Variants in TEK observed in about 807,000 individuals in gnomAD.
TEK encodes the protein TEK receptor tyrosine kinase.
A neutral mutation model predicts 131.8 loss-of-function variants in TEK; 43 were observed. The observed-to-expected ratio is 0.33, with a 90% CI of 0.26 to 0.42. The LOEUF (loss-of-function observed/expected upper bound fraction) is 0.42, where lower values mean the gene tolerates loss of function less well. Among genes scored for constraint, TEK ranks in the 10% least tolerant of loss-of-function variants. The probability of loss-of-function intolerance (pLI) is 1.00; values close to 1 mark genes in which losing one functional copy is unlikely to be tolerated. For synonymous variants in TEK, 580 were observed against 491.6 expected, an observed-to-expected ratio of 1.18 and a Z score of -2.38; for missense variants, 1,162 against 1,384.4, an observed-to-expected ratio of 0.84 and a Z score of 2.55.
chr9:27,209,324 G>T, intron 16 of TEK, 93 bp downstream of exon 16: 1 of 956,556 alleles, frequency 1.0e-6, no homozygotes, highest in Non-Finnish European at 1.6e-6. Context: ...TCTTAAGAAT[G>T]TTGCCTATTT....
chr9:27,127,580 A>G (rs1452523765), intron 1 of TEK, among the ~76,000 whole-genome samples: 1 of 152,230 alleles, frequency 6.6e-6, no homozygotes, highest in Non-Finnish European at 1.5e-5. Context: ...TGGTTGAACT[A>G]ATTTAAACTC....
At chr9:27,159,742 G>A (rs1250566914) in intron 2 of TEK, among the ~76,000 whole-genome samples, 2 of 152,126 alleles carry the variant, frequency 1.3e-5, no homozygotes, top group South Asian at 2.1e-4. Context: ...TTTAATAATT[G>A]TATTATAAGG....
intron 1 of TEK, among the ~76,000 whole-genome samples, chr9:27,118,550 C>T (rs867743548): frequency 6.6e-6 from 1 of 152,182 alleles, no homozygotes; most frequent in Non-Finnish European, 1.5e-5. Context: ...AGATGGATCG[C>T]TTTAGCCTGG....
rs150262376 is a variant in TEK at position 27,110,509 on chromosome 9, C to T, written c.52+867C>T. 1.6e-3 allele frequency among the ~76,000 whole-genome samples: 248 copies of T among 152,310 alleles called. No individual in the cohort carries two copies. The Middle Eastern group carries it at 0.024, about 15-fold the overall frequency. ...TCACAAATACATTTATCATTGCCAT[C>T]AGTCTCTCCCCTTCGGTTTGAAAAC... is the stretch of plus-strand genomic sequence containing the variant. On this transcript the variant is annotated intron_variant, in intron 1 of 22. Transcript: ENST00000380036.
At chr9:27,209,696 TAAG>T (rs889012341) in intron 16 of TEK, among the ~76,000 whole-genome samples, 30 of 152,260 alleles carry the variant, frequency 2.0e-4, no homozygotes, top group African/African-American at 7.0e-4. Flanking sequence ...AAAATAATTA[TAAG>T]AAGCTTTCAT....
chr9:27,109,272 C>G lies in TEK; in HGVS notation c.-319C>G. 1.9e-6 allele frequency: 1 copy of G among 523,056 alleles called. No homozygotes were observed. The highest frequency in any genetic ancestry group is 3.3e-6 in the Non-Finnish European group (1 of 300,108). The allele number at this position is 523,056 out of a possible 1,614,324, so 32.4% of individuals were successfully genotyped here. A position where few individuals can be genotyped will look rare whatever the true frequency, so the allele number is the denominator to read the frequency against. On this transcript the variant is annotated 5_prime_UTR_variant, in exon 1 of 23. Transcript: ENST00000380036. ...AAAGCAGCAGCAGAAGCAACAGCAA[C>G]AGATAAGTGTTTTGATGAATTGCGA...
rs1564072394 is a variant in TEK, at chr9:27,168,438, G to A, written c.365-57G>A. 2.9e-6 allele frequency: 4 copies of A among 1,377,364 alleles called. No homozygotes were observed. The East Asian group carries it at 6.9e-5, about 24-fold the overall frequency. The allele number at this position is 1,377,364 out of a possible 1,614,324, so 85.3% of individuals were successfully genotyped here. ...ATTTTCTGAGTCTCAAAGCTCAATT[G>A]CTCCTGGAGAAAATGTGTGATCCCA... On this transcript the variant is annotated intron_variant, in intron 2 of 22. Coordinates refer to ENST00000380036, the MANE Select transcript of TEK (RefSeq NM_000459.5).
intron 21 of TEK, among the ~76,000 whole-genome samples, chr9:27,227,545 G>C (rs1221861863): frequency 6.6e-6 from 1 of 152,130 alleles, no homozygotes; most frequent in Non-Finnish European, 1.5e-5. Flanking sequence ...AGCAGATTTG[G>C]TGGCCATGAG....
At chr9:27,187,721 T>C (rs1225244707) in intron 9 of TEK, among the ~76,000 whole-genome samples, 1 of 151,948 alleles carries the variant, frequency 6.6e-6, no homozygotes, top group Non-Finnish European at 1.5e-5. Flanking sequence ...ATCAGCAGAG[T>C]TTATTTCTTC....
chr9:27,142,743 C>CT (rs1284190711), intron 1 of TEK, among the ~76,000 whole-genome samples: 6 of 152,240 alleles, frequency 3.9e-5, no homozygotes, highest in Admixed American at 2.6e-4. Flanking sequence ...GTTATGAATT[C>CT]TATCACTGTT....
chr9:27,204,266 A>T (rs2131210061), intron 13 of TEK, among the ~76,000 whole-genome samples: 1 of 152,360 alleles, frequency 6.6e-6, no homozygotes, highest in Non-Finnish European at 1.5e-5. Context: ...ATTGCTAATA[A>T]AAATATATCG....
chr9:27,196,801 AT>A (rs1244846892), intron 11 of TEK, among the ~76,000 whole-genome samples: 1 of 88,320 alleles, frequency 1.1e-5, no homozygotes, highest in Non-Finnish European at 2.4e-5. Context: ...TTCATAATTT[AT>A]TTATTTTTCC....
intron 6 of TEK, among the ~76,000 whole-genome samples, chr9:27,175,388 T>C (rs1824127883): frequency 6.6e-6 from 1 of 151,206 alleles, no homozygotes. Context: ...AGTCTATCAT[T>C]GTTGGACATT....
chr9:27,221,774 G>A (rs193166180), intron 21 of TEK, among the ~76,000 whole-genome samples: 31 of 152,240 alleles, frequency 2.0e-4, no homozygotes, highest in Admixed American at 2.0e-3. Flanking sequence ...ATAAATCCAC[G>A]AAGATGGAGA....
At chr9:27,123,246 G>A (rs534091712) in intron 1 of TEK, among the ~76,000 whole-genome samples, 37 of 151,990 alleles carry the variant, frequency 2.4e-4, no homozygotes, top group Admixed American at 6.6e-4. Context: ...TCACATCCTG[G>A]TAGGTTCCTA....
intron 2 of TEK, among the ~76,000 whole-genome samples, chr9:27,158,463 A>T (rs1163628958): frequency 3.3e-5 from 5 of 152,136 alleles, no homozygotes; most frequent in African/African-American, 4.8e-5. Flanking sequence ...AATGAAAACA[A>T]GTGTTCATTG....
At chr9:27,152,057 A>G (rs1823146196) in intron 1 of TEK, among the ~76,000 whole-genome samples, 1 of 152,218 alleles carries the variant, frequency 6.6e-6, no homozygotes, top group South Asian at 2.1e-4. Context: ...GGAAGTGCTA[A>G]TTGGTATTTC....
chr9:27,120,228 C>G (rs1022867154), intron 1 of TEK, among the ~76,000 whole-genome samples: 1 of 152,210 alleles, frequency 6.6e-6, no homozygotes, highest in Non-Finnish European at 1.5e-5. Context: ...GAAGTGTACT[C>G]AAGTCATACC....
intron 6 of TEK, among the ~76,000 whole-genome samples, chr9:27,178,995 T>G (rs1469516073): frequency 3.3e-5 from 5 of 152,212 alleles, no homozygotes; most frequent in Non-Finnish European, 5.9e-5. Context: ...ATGTGTAAAT[T>G]TCAACAAATT....
Sources: allele counts gnomAD v4.1 joint callset (sites outside exome capture counted in the v4.1 genomes callset), GRCh38; gene constraint gnomAD v4.1.1; transcripts MANE v1.5; gene names NCBI Gene and HGNC (gene_info 2026-07-23, HGNC 2026-07-21).